Variants in CDH12 observed in about 807,000 individuals in gnomAD.
CDH12 encodes cadherin 12.
In CDH12, 41 loss-of-function variants were observed where a neutral mutation model predicts 74.1. That is an observed-to-expected ratio of 0.55 (90% confidence interval 0.43 to 0.72). CDH12 has a LOEUF of 0.72. Ranked by LOEUF, CDH12 falls within the 30% of genes least tolerant of loss-of-function variation. CDH12 has a pLI of 0.00. For missense variants in CDH12, 945 were observed against 977.2 expected, an observed-to-expected ratio of 0.97 and a Z score of 0.44; for synonymous variants, 399 against 355.0, an observed-to-expected ratio of 1.12 and a Z score of -1.39.
intron 1 of CDH12, among the ~76,000 whole-genome samples, chr5:22,779,924 T>C (rs1443981963): frequency 1.3e-5 from 2 of 152,216 alleles, no homozygotes; most frequent in East Asian, 3.8e-4. Context: ...ATATCCCTAG[T>C]TCCTCACACA....
At chr5:21,911,141 T>C (rs901290818) in intron 6 of CDH12, among the ~76,000 whole-genome samples, 4 of 152,186 alleles carry the variant, frequency 2.6e-5, no homozygotes, top group Non-Finnish European at 5.9e-5. Flanking sequence ...CAGACAGAGA[T>C]AGTGGCTGTT....
At chr5:22,271,789 A>T (rs1736411411) in intron 3 of CDH12, among the ~76,000 whole-genome samples, 1 of 134,172 alleles carries the variant, frequency 7.5e-6, no homozygotes, top group Admixed American at 7.5e-5. Context: ...TTTTGAAATA[A>T]ATCTTTTTTT....
chr5:22,412,126 T>C (rs1019307816), intron 2 of CDH12, among the ~76,000 whole-genome samples: 2 of 151,856 alleles, frequency 1.3e-5, no homozygotes, highest in African/African-American at 4.8e-5. Flanking sequence ...TCCAAGAAAA[T>C]AGCAGTATTC....
At chr5:22,611,773 T>C (rs1413089192) in intron 1 of CDH12, among the ~76,000 whole-genome samples, 6 of 152,206 alleles carry the variant, frequency 3.9e-5, no homozygotes, top group Non-Finnish European at 2.9e-5. Flanking sequence ...AATTGGAAAC[T>C]AGAGAACAAC....
intron 2 of CDH12, among the ~76,000 whole-genome samples, chr5:22,481,486 A>AAG (rs1283874149): frequency 6.6e-6 from 1 of 152,194 alleles, no homozygotes; most frequent in Non-Finnish European, 1.5e-5. Context: ...TGATAGAGAA[A>AAG]ATGTGGCGTA....
intron 6 of CDH12, among the ~76,000 whole-genome samples, chr5:21,943,644 G>A (rs1356316896): frequency 6.6e-6 from 1 of 152,084 alleles, no homozygotes; most frequent in Non-Finnish European, 1.5e-5. Context: ...ACCTCTAAAG[G>A]ATGGCCTGAA....
chr5:22,094,947 T>C (rs1416837911), intron 4 of CDH12, among the ~76,000 whole-genome samples: 2 of 152,154 alleles, frequency 1.3e-5, no homozygotes, highest in African/African-American at 2.4e-5. Context: ...GGCCCACCCC[T>C]ATCTCCCTTT....
intron 3 of CDH12, among the ~76,000 whole-genome samples, chr5:22,347,630 T>TAAG (rs1740174553): frequency 6.6e-6 from 1 of 152,140 alleles, no homozygotes; most frequent in East Asian, 1.9e-4. Context: ...CATCTATCCT[T>TAAG]TAAGTTCTGT....
intron 1 of CDH12, among the ~76,000 whole-genome samples, chr5:22,764,208 A>G (rs1389595827): frequency 4.0e-5 from 6 of 151,882 alleles, no homozygotes; most frequent in Non-Finnish European, 7.4e-5. Flanking sequence ...CACTTATTCA[A>G]TACCCAATGC....
rs1267010330 is a variant in CDH12, at chr5:22,412,809, C to T, written c.-427-7458G>A. ...CTTTTTATGCCAAAGGACATTTCCT[C>T]CACCTGTGCTTTATACCTCTATTCT... On this transcript the variant is annotated intron_variant, in intron 2 of 14. Coordinates refer to ENST00000382254, the MANE Select transcript of CDH12 (RefSeq NM_004061.5). Among the ~76,000 whole-genome samples, 5 of 151,964 alleles carry T rather than the reference C, an allele frequency of 3.3e-5. No homozygotes were observed. The South Asian group carries it at 8.3e-4, about 25-fold the overall frequency.
At chr5:22,620,025 C>T (rs1737892489) in intron 1 of CDH12, among the ~76,000 whole-genome samples, 1 of 152,042 alleles carries the variant, frequency 6.6e-6, no homozygotes, top group Non-Finnish European at 1.5e-5. Context: ...TATCATTTTA[C>T]CTCCAATGAT....
At chr5:21,950,757 T>TATTA (rs1554047072) in intron 6 of CDH12, among the ~76,000 whole-genome samples, 3 of 136,988 alleles carry the variant, frequency 2.2e-5, no homozygotes, top group East Asian at 2.1e-4. Context: ...TAAATTTTAT[T>TATTA]TTATTATTAT....
chr5:22,543,449 A>G (rs1368723250), intron 1 of CDH12, among the ~76,000 whole-genome samples: 1 of 152,142 alleles, frequency 6.6e-6, no homozygotes, highest in African/African-American at 2.4e-5. Context: ...GCTACTTTAA[A>G]ATATCATTTA....
intron 4 of CDH12, among the ~76,000 whole-genome samples, chr5:22,192,480 C>G (rs1339176877): frequency 6.6e-6 from 1 of 152,080 alleles, no homozygotes; most frequent in Admixed American, 6.5e-5. Context: ...ATTAGCCAGA[C>G]AAGTTACACA....
intron 9 of CDH12, among the ~76,000 whole-genome samples, 175 bp from the exon 10 acceptor site, chr5:21,802,595 T>TTTTC (rs1300355369): frequency 9.2e-5 from 13 of 141,824 alleles, no homozygotes; most frequent in South Asian, 2.3e-4. Context: ...TTTTTTTTCT[T>TTTTC]TTTTTTTTTT....
intron 3 of CDH12, among the ~76,000 whole-genome samples, chr5:22,370,727 A>G (rs1009389555): frequency 6.6e-6 from 1 of 152,176 alleles, no homozygotes; most frequent in Non-Finnish European, 1.5e-5. Flanking sequence ...AAACCTTGGT[A>G]TGCTTGAGAA....
intron 5 of CDH12, among the ~76,000 whole-genome samples, chr5:22,052,220 T>C (rs938696526): frequency 7.2e-5 from 11 of 152,188 alleles, no homozygotes; most frequent in Admixed American, 2.0e-4. Context: ...TTTTTTTCTC[T>C]CTTATAATCT....
intron 6 of CDH12, among the ~76,000 whole-genome samples, chr5:21,858,867 A>G (rs1376779756): frequency 6.6e-6 from 1 of 151,930 alleles, no homozygotes; most frequent in Non-Finnish European, 1.5e-5. Flanking sequence ...ACTTGACAAT[A>G]TTGTATGTAT....
At chr5:22,070,979 G>A (rs1483894858) in intron 5 of CDH12, among the ~76,000 whole-genome samples, 2 of 152,044 alleles carry the variant, frequency 1.3e-5, no homozygotes, top group Non-Finnish European at 2.9e-5. Context: ...CCTGTCAGGG[G>A]TGGATGGGGA....
Sources: allele counts gnomAD v4.1 joint callset (sites outside exome capture counted in the v4.1 genomes callset), GRCh38; gene constraint gnomAD v4.1.1; transcripts MANE v1.5; gene names NCBI Gene and HGNC (gene_info 2026-07-23, HGNC 2026-07-21).